The following FOXP2 variants were observed in gnomAD, a reference collection of about 807,000 sequenced individuals.
FOXP2 encodes the protein forkhead box protein P2.
In FOXP2, 12 loss-of-function variants were observed where a neutral mutation model predicts 115.8. The observed-to-expected ratio is 0.10, with a 90% CI of 0.07 to 0.17. The LOEUF is 0.17. Ranked by LOEUF, FOXP2 falls within the 10% of genes least tolerant of loss-of-function variation. The probability of loss-of-function intolerance (pLI) is 1.00; values close to 1 mark genes in which losing one functional copy is unlikely to be tolerated. For synonymous variants in FOXP2, 328 were observed against 297.7 expected, an observed-to-expected ratio of 1.10 and a Z score of -1.05; for missense variants, 629 against 843.5, an observed-to-expected ratio of 0.75 and a Z score of 3.15.
At chr7:114,467,300 G>C (rs1379302205) in intron 2 of FOXP2, among the ~76,000 whole-genome samples, 3 of 152,020 alleles carry the variant, frequency 2.0e-5, no homozygotes, top group African/African-American at 7.2e-5. Context: ...TAAATATCTG[G>C]CTTTGAATTT....
At chr7:114,268,342 GTATT>G (rs2129172397) in intron 1 of FOXP2, among the ~76,000 whole-genome samples, 1 of 152,236 alleles carries the variant, frequency 6.6e-6, no homozygotes, top group South Asian at 2.1e-4. Flanking sequence ...GTGATTATGA[GTATT>G]TGTGCAAGAG....
chr7:114,488,288 C>A (rs559129287), intron 2 of FOXP2, among the ~76,000 whole-genome samples: 4 of 152,136 alleles, frequency 2.6e-5, no homozygotes, highest in African/African-American at 9.6e-5. Flanking sequence ...GGGTTTCTCC[C>A]AAGACTCACG....
At chr7:114,149,652 C>A (rs1792478467) in intron 1 of FOXP2, among the ~76,000 whole-genome samples, 1 of 151,648 alleles carries the variant, frequency 6.6e-6, no homozygotes, top group Non-Finnish European at 1.5e-5. Context: ...AAAATAGTTT[C>A]TTTCAAAATA....
chr7:114,280,116 AT>A (rs879271642), intron 1 of FOXP2, among the ~76,000 whole-genome samples: 82 of 151,658 alleles, frequency 5.4e-4, no homozygotes, highest in African/African-American at 1.8e-3. Context: ...AAATAAATAA[AT>A]AAATAAAAAC....
chr7:114,355,278 G>A (rs1419289103), intron 2 of FOXP2, among the ~76,000 whole-genome samples: 1 of 152,092 alleles, frequency 6.6e-6, no homozygotes, highest in African/African-American at 2.4e-5. Context: ...GCCTCCACAG[G>A]TGATTCAAAT....
At chr7:114,459,709 G>A (rs1048757886) in intron 2 of FOXP2, among the ~76,000 whole-genome samples, 5 of 151,374 alleles carry the variant, frequency 3.3e-5, no homozygotes, top group African/African-American at 7.3e-5. Context: ...TCCATCTCCC[G>A]GATTTAAGCA....
chr7:114,607,221 T>C (rs1468985632), intron 3 of FOXP2, among the ~76,000 whole-genome samples: 1 of 152,144 alleles, frequency 6.6e-6, no homozygotes, highest in African/African-American at 2.4e-5. Flanking sequence ...CTTTAGTAAA[T>C]GTAATCCACC....
At chr7:114,176,298 T>TTCTTTCTCTCTCTCTC (rs368923204) in intron 1 of FOXP2, among the ~76,000 whole-genome samples, 14 of 76,574 alleles carry the variant, frequency 1.8e-4, no homozygotes, top group African/African-American at 7.0e-4. Context: ...CTTTCTTTCT[T>TTCTTTCTCTCTCTCTC]TCTCTCTCTC....
At chr7:114,122,071 A>G (rs1426514064) in intron 1 of FOXP2, among the ~76,000 whole-genome samples, 3 of 152,100 alleles carry the variant, frequency 2.0e-5, no homozygotes, top group Admixed American at 6.6e-5. Flanking sequence ...ATAATTTTTT[A>G]TAAGGGTTTT....
rs748231233 is a variant in FOXP2 at position 114,642,475 on chromosome 7, G to A, written c.841G>A (p.Asp281Asn). ...KEVTGVHSME[D>N]NGIKHGGLDL... The stretch of plus-strand genomic sequence containing the variant: ...AGTGACTGGAGTTCACAGTATGGAA[G>A]ACAATGGCATTAAACATGGAGGGCT... The change falls in exon 7 of 17, where the codon GAC becomes AAC. Residue 281 changes from aspartate (D) to asparagine (N), a missense_variant. Around this residue, in one of 9 missense-constraint regions of FOXP2, gnomAD observed 92 missense variants for 80.1 expected, o/e 1.15. Coordinates refer to ENST00000350908, the MANE Select transcript of FOXP2 (RefSeq NM_014491.4). The A allele has an allele frequency of 1.6e-5, 26 of 1,613,662 alleles. No homozygotes were observed. Among genetic ancestry groups the A allele is most frequent in the Middle Eastern group, 1.6e-4 (1 of 6,082 alleles).
chr7:114,147,066 T>C (rs995935674), intron 1 of FOXP2, among the ~76,000 whole-genome samples: 4 of 152,192 alleles, frequency 2.6e-5, no homozygotes, highest in African/African-American at 9.7e-5. Flanking sequence ...ATTCCTTAGG[T>C]AGAATAGTAT....
At chr7:114,112,356 A>T (rs1791292386) in intron 1 of FOXP2, among the ~76,000 whole-genome samples, 2 of 151,934 alleles carry the variant, frequency 1.3e-5, no homozygotes, top group East Asian at 1.9e-4. Context: ...GAGTGCAGTG[A>T]TGTGATCTCA....
At chr7:114,365,974 G>A (rs1020447622) in intron 2 of FOXP2, among the ~76,000 whole-genome samples, 12 of 151,902 alleles carry the variant, frequency 7.9e-5, no homozygotes, top group Non-Finnish European at 1.3e-4. Flanking sequence ...GGTTTTTACC[G>A]TCAGTATGAA....
At chr7:114,203,946 A>G (rs1563004119) in intron 1 of FOXP2, among the ~76,000 whole-genome samples, 1 of 152,278 alleles carries the variant, frequency 6.6e-6, no homozygotes, top group African/African-American at 2.4e-5. Flanking sequence ...TACTGAGTCT[A>G]TGTTTCATTG....
chr7:114,426,343 C>G (rs1272946009), intron 1 of FOXP2, among the ~76,000 whole-genome samples, 159 bp from the exon 2 acceptor site: 2 of 151,614 alleles, frequency 1.3e-5, no homozygotes, highest in Non-Finnish European at 3.0e-5. Flanking sequence ...TGGATGAAAG[C>G]TGAATTTGTA....
chr7:114,403,004 T>C (rs755556979), intron 2 of FOXP2, among the ~76,000 whole-genome samples: 55 of 152,166 alleles, frequency 3.6e-4, no homozygotes, highest in Non-Finnish European at 7.1e-4. Flanking sequence ...GCTACATCTA[T>C]GTTCATAGAC....
intron 2 of FOXP2, among the ~76,000 whole-genome samples, chr7:114,290,318 CTG>C (rs1192541222): frequency 1.3e-5 from 2 of 151,868 alleles, no homozygotes; most frequent in African/African-American, 2.4e-5. Flanking sequence ...CAACTTATAA[CTG>C]AGATTATTTG....
In FOXP2 at chr7:114,377,921, A is replaced by G. The variant is rs147746148; in HGVS notation, c.-10-48581A>G. Among the ~76,000 whole-genome samples, 60 of 152,242 alleles carry G rather than the reference A, an allele frequency of 3.9e-4. No homozygotes were observed. The East Asian group carries it at 0.011, about 27-fold the overall frequency. On this transcript the variant is annotated intron_variant, in intron 2 of 17. Transcript: ENST00000634411. ...ACATCTCTAAATCAAAGACTGTGCA[A>G]TGCTCCTTTTGTCCAAGTTCTTGCT... is the stretch of plus-strand genomic sequence containing the variant.
chr7:114,562,083 G>T (rs1356625299), intron 3 of FOXP2, among the ~76,000 whole-genome samples: 1 of 152,022 alleles, frequency 6.6e-6, no homozygotes, highest in Non-Finnish European at 1.5e-5. Flanking sequence ...CACCCACCTG[G>T]ACTTCTTCCT....
Sources: gnomAD v4.1 joint callset for allele counts (sites outside exome capture counted in the v4.1 genomes callset) on GRCh38, gnomAD v4.1.1 for gene constraint, gnomAD v4.1.1 regional missense constraint, MANE v1.5 for transcripts, NCBI Gene and HGNC (gene_info 2026-07-23, HGNC 2026-07-21) for gene names.